Variants in EPHA6 observed in about 807,000 individuals in gnomAD.
The protein encoded by EPHA6 is EPH receptor A6.
A neutral mutation model predicts 112.0 loss-of-function variants in EPHA6; 50 were observed. The ratio of observed to expected loss-of-function variants is 0.45; its 90% CI spans 0.36 to 0.56. The LOEUF (loss-of-function observed/expected upper bound fraction) is 0.56. EPHA6 is among the 20% of genes least tolerant of loss of function. EPHA6 has a pLI of 0.00. For synonymous variants in EPHA6, 529 were observed against 490.7 expected (o/e 1.08, Z -1.03); for missense variants, 1,280 against 1,417.4 (o/e 0.90, Z 1.56).
chr3:97,343,009 C>T (rs1308786304), intron 5 of EPHA6, among the ~76,000 whole-genome samples: 4 of 152,038 alleles, frequency 2.6e-5, no homozygotes, highest in Admixed American at 1.3e-4. Flanking sequence ...TAATGGGTAT[C>T]GGTTAGAAAA....
intron 5 of EPHA6, among the ~76,000 whole-genome samples, chr3:97,250,021 G>C (rs2079089488): frequency 6.6e-6 from 1 of 152,052 alleles, no homozygotes; most frequent in Non-Finnish European, 1.5e-5. Context: ...TTTTATGCAA[G>C]GAAACCAAAA....
intron 2 of EPHA6, among the ~76,000 whole-genome samples, chr3:96,872,695 T>C (rs1270154080): frequency 6.6e-6 from 1 of 152,134 alleles, no homozygotes; most frequent in Non-Finnish European, 1.5e-5. Context: ...ATGAATTGTA[T>C]GTAATTCTTA....
intron 1 of EPHA6, among the ~76,000 whole-genome samples, chr3:96,824,881 T>C (rs11915872): frequency 0.11 from 16,054 of 151,646 alleles, 1,520 homozygotes; most frequent in Admixed American, 0.24. Context: ...ATCTGCCAGC[T>C]CCCCCGCCCC....
At chr3:97,368,640 A>T (rs573913331) in intron 5 of EPHA6, among the ~76,000 whole-genome samples, 1 of 152,322 alleles carries the variant, frequency 6.6e-6, no homozygotes, top group Non-Finnish European at 1.5e-5. Flanking sequence ...AGAATGAATG[A>T]ATTAATGAAA....
intron 3 of EPHA6, among the ~76,000 whole-genome samples, chr3:97,087,426 C>T (rs1378051510): frequency 6.6e-6 from 1 of 152,084 alleles, no homozygotes; most frequent in African/African-American, 2.4e-5. Flanking sequence ...CTGATGAGAA[C>T]CTTCCTTGAA....
chr3:97,109,606 TG>T (rs1173371268), intron 3 of EPHA6, among the ~76,000 whole-genome samples: 1 of 152,180 alleles, frequency 6.6e-6, no homozygotes, highest in Non-Finnish European at 1.5e-5. Flanking sequence ...AGTACAGAGT[TG>T]TTTTTGTGCT....
intron 11 of EPHA6, among the ~76,000 whole-genome samples, chr3:97,589,134 G>C (rs1192792539): frequency 2.0e-5 from 3 of 151,656 alleles, no homozygotes; most frequent in African/African-American, 7.3e-5. Flanking sequence ...AATATTATGA[G>C]GTTGTATTGC....
chr3:97,035,280 T>G (rs374811570), intron 3 of EPHA6, among the ~76,000 whole-genome samples: 35 of 152,082 alleles, frequency 2.3e-4, no homozygotes, highest in African/African-American at 7.7e-4. Context: ...TCTTTTTTCT[T>G]ATGCTATATT....
intron 6 of EPHA6, among the ~76,000 whole-genome samples, chr3:97,426,183 C>T (rs2089106359): frequency 6.6e-6 from 1 of 152,212 alleles, no homozygotes; most frequent in Admixed American, 6.5e-5. Flanking sequence ...AGTCTATTCA[C>T]ATGCTGCTAA....
At chr3:97,540,568 GAA>G (rs2092834582) in intron 11 of EPHA6, among the ~76,000 whole-genome samples, 1 of 152,054 alleles carries the variant, frequency 6.6e-6, no homozygotes, top group Admixed American at 6.5e-5. Flanking sequence ...CACCTCCCTA[GAA>G]TTACCTCTAA....
intron 3 of EPHA6, among the ~76,000 whole-genome samples, chr3:97,041,822 C>T (rs1293631183): frequency 2.6e-5 from 4 of 151,922 alleles, no homozygotes; most frequent in African/African-American, 7.2e-5. Context: ...TTTAAACAAC[C>T]GGATCTCCTG....
At chr3:97,106,548 G>A (rs1242053488) in intron 3 of EPHA6, among the ~76,000 whole-genome samples, 1 of 152,088 alleles carries the variant, frequency 6.6e-6, no homozygotes, top group African/African-American at 2.4e-5. Context: ...TCTGCTGAGA[G>A]CTACTTTTAC....
chr3:97,742,710 T>C (rs551331709), intron 16 of EPHA6, among the ~76,000 whole-genome samples: 11 of 152,304 alleles, frequency 7.2e-5, no homozygotes, highest in African/African-American at 2.6e-4. Flanking sequence ...ATTTGAGGTT[T>C]CATAGCCCTT....
chr3:97,111,423 T>C (rs114694679), intron 3 of EPHA6, among the ~76,000 whole-genome samples: 2,009 of 152,248 alleles, frequency 0.013, 39 homozygotes, highest in African/African-American at 0.047. Context: ...CTATCATAGC[T>C]TCAATTTTCC....
chr3:97,640,098 A>G (rs945211517), intron 14 of EPHA6, among the ~76,000 whole-genome samples: 3 of 152,156 alleles, frequency 2.0e-5, no homozygotes, highest in Non-Finnish European at 4.4e-5. Flanking sequence ...CTGCCTTGCA[A>G]TTCAATACAG....
At chr3:96,911,154 C>A (rs898386628) in intron 2 of EPHA6, among the ~76,000 whole-genome samples, 11 of 151,874 alleles carry the variant, frequency 7.2e-5, no homozygotes, top group African/African-American at 2.7e-4. Context: ...AATTATTTAG[C>A]TACAGTTTTA....
intron 3 of EPHA6, among the ~76,000 whole-genome samples, chr3:97,117,530 C>A (rs1433768518): frequency 6.6e-6 from 1 of 151,732 alleles, no homozygotes; most frequent in Admixed American, 6.6e-5. Flanking sequence ...CATTCTTCTG[C>A]ATGTTAATTT....
intron 3 of EPHA6, among the ~76,000 whole-genome samples, chr3:97,166,119 C>T (rs1375183635): frequency 6.6e-6 from 1 of 151,960 alleles, no homozygotes; most frequent in Non-Finnish European, 1.5e-5. Flanking sequence ...CAATTACTCT[C>T]CCAAAGGAAG....
intron 8 of EPHA6, among the ~76,000 whole-genome samples, chr3:97,477,610 T>C (rs1180216871): frequency 6.6e-6 from 1 of 152,080 alleles, no homozygotes; most frequent in Non-Finnish European, 1.5e-5. Flanking sequence ...ACAATGACAA[T>C]TTGGTTAAGA....
Sources: allele counts gnomAD v4.1 joint callset (sites outside exome capture counted in the v4.1 genomes callset), GRCh38; gene constraint gnomAD v4.1.1; transcripts MANE v1.5; gene names NCBI Gene and HGNC (gene_info 2026-07-23, HGNC 2026-07-21).